The following OPCML variants were observed in gnomAD, a reference collection of about 807,000 sequenced individuals.
OPCML encodes the protein opioid binding protein/cell adhesion molecule like, also known as opioid-binding protein/cell adhesion molecule.
Under a neutral mutation model 37.8 loss-of-function variants are expected in OPCML, and 13 were observed. That is an observed-to-expected ratio of 0.34 (90% CI 0.22 to 0.55). The LOEUF (loss-of-function observed/expected upper bound fraction) is 0.55, where lower values mean the gene tolerates loss of function less well. OPCML is among the 20% of genes least tolerant of loss of function. OPCML has a pLI of 0.91. For missense variants in OPCML, 341 were observed against 435.6 expected (o/e 0.78, Z 1.93); for synonymous variants, 176 against 168.8 (o/e 1.04, Z -0.33).
At chr11:133,431,484 A>T (rs1946113914) in intron 1 of OPCML, among the ~76,000 whole-genome samples, 1 of 152,088 alleles carries the variant, frequency 6.6e-6, no homozygotes, top group East Asian at 1.9e-4. Context: ...TTTGTTTTCG[A>T]CGCGGAGTTT....
intron 1 of OPCML, among the ~76,000 whole-genome samples, chr11:133,157,187 C>A (rs949133247): frequency 6.6e-6 from 1 of 152,178 alleles, no homozygotes; most frequent in South Asian, 2.1e-4. Context: ...AAAAAGTCGG[C>A]GCGCACACGG....
At chr11:133,284,473 G>A (rs373577299) in intron 1 of OPCML, among the ~76,000 whole-genome samples, 3 of 152,208 alleles carry the variant, frequency 2.0e-5, no homozygotes, top group Admixed American at 1.3e-4. Context: ...ACAAAAAAAC[G>A]ACCTGCCTTC....
chr11:132,822,523 TGC>T (rs1268628284), intron 2 of OPCML, among the ~76,000 whole-genome samples: 2 of 151,824 alleles, frequency 1.3e-5, no homozygotes, highest in African/African-American at 2.4e-5. Context: ...TGTGTGTGTG[TGC>T]GCGCACACAC....
intron 2 of OPCML, among the ~76,000 whole-genome samples, chr11:132,767,778 G>C (rs1946503460): frequency 6.6e-6 from 1 of 151,072 alleles, no homozygotes; most frequent in South Asian, 2.1e-4. Context: ...AAACTAAGTA[G>C]AATATTTTAG....
intron 1 of OPCML, among the ~76,000 whole-genome samples, chr11:133,247,540 T>TTTCTTTCTTTCTTTCTTTC (rs1940971842): frequency 3.3e-5 from 4 of 122,408 alleles, no homozygotes; most frequent in African/African-American, 6.7e-5. Flanking sequence ...CTTTCCTTCT[T>TTTCTTTCTTTCTTTCTTTC]TTTCTTTCTT....
At chr11:133,171,893 C>A (rs951792788) in intron 1 of OPCML, among the ~76,000 whole-genome samples, 3 of 152,112 alleles carry the variant, frequency 2.0e-5, no homozygotes, top group Admixed American at 6.6e-5. Flanking sequence ...GGGGCTGGAA[C>A]CTAGGTACTG....
chr11:132,498,335 T>A (rs1014787), intron 4 of OPCML, among the ~76,000 whole-genome samples: 76,197 of 152,034 alleles, frequency 0.5, 19,793 homozygotes, highest in East Asian at 0.8. Context: ...TTTCTTGTGA[T>A]TCTCACAGCC....
At chr11:132,904,399 T>C (rs1944164955) in intron 2 of OPCML, among the ~76,000 whole-genome samples, 1 of 149,384 alleles carries the variant, frequency 6.7e-6, no homozygotes, top group Non-Finnish European at 1.5e-5. Context: ...TATTTCTCCA[T>C]CTCAATTGAT....
intron 1 of OPCML, among the ~76,000 whole-genome samples, chr11:133,287,353 C>T (rs1942330547): frequency 7.0e-6 from 1 of 143,564 alleles, no homozygotes; most frequent in African/African-American, 2.6e-5. Context: ...CTCATGGGCT[C>T]CTCTCACCTT....
intron 1 of OPCML, among the ~76,000 whole-genome samples, chr11:133,176,173 ACT>A (rs1359924331): frequency 6.6e-6 from 1 of 152,020 alleles, no homozygotes; most frequent in Non-Finnish European, 1.5e-5. Context: ...ACAAACACAA[ACT>A]CTTGGGTGGA....
intron 3 of OPCML, among the ~76,000 whole-genome samples, chr11:132,595,102 TGAGA>T (rs1384435412): frequency 6.6e-6 from 1 of 152,076 alleles, no homozygotes; most frequent in Non-Finnish European, 1.5e-5. Flanking sequence ...CTCTGTGAAC[TGAGA>T]GACTGTTTTT....
At chr11:133,330,193 C>A (rs1251917255) in intron 1 of OPCML, among the ~76,000 whole-genome samples, 4 of 152,154 alleles carry the variant, frequency 2.6e-5, no homozygotes, top group Non-Finnish European at 5.9e-5. Flanking sequence ...ACAACAGGTG[C>A]TGGAGAGGAT....
intron 1 of OPCML, among the ~76,000 whole-genome samples, chr11:133,183,638 G>A (rs1173746537): frequency 2.6e-5 from 4 of 152,176 alleles, no homozygotes; most frequent in Non-Finnish European, 4.4e-5. Flanking sequence ...TGTATTGTAT[G>A]TGAGATCATG....
In OPCML at chr11:133,385,054, T is replaced by A. The variant is rs537180591; in HGVS notation, c.61+147210A>T. On this transcript the variant is annotated intron_variant, in intron 1 of 7. Transcript: ENST00000524381. ...TGGCTGTGGGCAGGACCTAGTGACC[T>A]GTAATGGATAGAATAATGCAGAAGG... Among the ~76,000 whole-genome samples, 165 of 152,194 alleles carry A rather than the reference T, an allele frequency of 1.1e-3. 1 individual carries two copies. The highest frequency in any genetic ancestry group is 2.9e-3 in the African/African-American group (121 of 41,526).
chr11:133,063,271 G>A (rs922066383), intron 1 of OPCML, among the ~76,000 whole-genome samples: 1 of 152,230 alleles, frequency 6.6e-6, no homozygotes, highest in African/African-American at 2.4e-5. Flanking sequence ...TGGTCCCCTG[G>A]GCCACGGCTA....
intron 1 of OPCML, among the ~76,000 whole-genome samples, chr11:133,314,387 T>C (rs1943152562): frequency 1.3e-5 from 2 of 151,948 alleles, no homozygotes; most frequent in African/African-American, 4.8e-5. Context: ...AATTTGAAAC[T>C]TGGAACCAAT....
intron 3 of OPCML, among the ~76,000 whole-genome samples, chr11:132,623,039 G>A (rs138470550): frequency 3.9e-5 from 6 of 152,212 alleles, no homozygotes; most frequent in Admixed American, 3.9e-4. Flanking sequence ...ATAAATTTTA[G>A]TAATTTTATT....
rs1276957566 is a variant in OPCML, at chr11:132,942,801, C to G, written c.146+125G>C. Reference sequence around the variant, plus strand: ...GGCACGGCAGCACGCAAGCGGGCGCCCCTCGGGCCTGCACAAGGCCCACTC... The same window carrying G: ...GGCACGGCAGCACGCAAGCGGGCGCGCCTCGGGCCTGCACAAGGCCCACTC... On this transcript the variant is annotated intron_variant, in intron 2 of 7. Coordinates refer to ENST00000524381, the MANE Select transcript of OPCML (RefSeq NM_001012393.5). 5 of 1,261,052 alleles carry G rather than the reference C, an allele frequency of 4.0e-6. No homozygotes were observed. The African/African-American group carries it at 7.4e-5, about 19-fold the overall frequency. The allele number at this position is 1,261,052 out of a possible 1,614,324, so 78.1% of individuals were successfully genotyped here. A position where few individuals can be genotyped will look rare whatever the true frequency, so the allele number is the denominator to read the frequency against.
In OPCML at chr11:132,694,970, T is replaced by C. The variant is rs148662095; in HGVS notation, c.147-37651A>G. On this transcript the variant is annotated intron_variant, in intron 2 of 7. Coordinates refer to ENST00000524381, the MANE Select transcript of OPCML (RefSeq NM_001012393.5). The stretch of plus-strand genomic sequence containing the variant: ...CCTGCGACATTAATGGCATAAAAAA[T>C]TATTGCCTAGCTCTGAAATGCATAC... 2.5e-4 allele frequency among the ~76,000 whole-genome samples: 38 copies of C among 152,244 alleles called. No individual in the cohort carries two copies. The East Asian group carries it at 6.6e-3, about 26-fold the overall frequency.
Sources: gnomAD v4.1 joint callset for allele counts (sites outside exome capture counted in the v4.1 genomes callset) on GRCh38, gnomAD v4.1.1 for gene constraint, MANE v1.5 for transcripts, NCBI Gene and HGNC (gene_info 2026-07-23, HGNC 2026-07-21) for gene names.